Variants in PDE4D observed in about 807,000 individuals in gnomAD.
PDE4D encodes 3',5'-cyclic-AMP phosphodiesterase 4D.
A neutral mutation model predicts 87.4 loss-of-function variants in PDE4D; 24 were observed. That is an observed-to-expected ratio of 0.27 (90% CI 0.20 to 0.39). The LOEUF is 0.39. Among genes scored for constraint, PDE4D ranks in the 10% least tolerant of loss-of-function variants. PDE4D has a pLI of 1.00. For missense variants in PDE4D, 714 were observed against 1,041.0 expected, an observed-to-expected ratio of 0.69 and a Z score of 4.32; for synonymous variants, 384 against 383.2, an observed-to-expected ratio of 1.00 and a Z score of -0.02.
At chr5:60,288,153 C>G (rs1425318627) in intron 1 of PDE4D, among the ~76,000 whole-genome samples, 1 of 152,244 alleles carries the variant, frequency 6.6e-6, no homozygotes, top group Non-Finnish European at 1.5e-5. Flanking sequence ...TATCCCGAGA[C>G]TAACTACTCC....
intron 3 of PDE4D, among the ~76,000 whole-genome samples, chr5:59,954,113 C>CG (rs34361221): frequency 0.85 from 128,923 of 152,032 alleles, 54,732 homozygotes; most frequent in East Asian, 0.97. Flanking sequence ...TTAGGAGAGA[C>CG]GGGTTTCACC....
At chr5:59,487,377 T>C (rs978999121) in intron 1 of PDE4D, among the ~76,000 whole-genome samples, 4 of 152,124 alleles carry the variant, frequency 2.6e-5, no homozygotes, top group Admixed American at 6.5e-5. Context: ...CATTTGAGGT[T>C]TTTTTCGTGT....
At chr5:59,320,285 T>C (rs1162782697) in intron 1 of PDE4D, among the ~76,000 whole-genome samples, 1 of 152,084 alleles carries the variant, frequency 6.6e-6, no homozygotes, top group Non-Finnish European at 1.5e-5. Context: ...GTAAAACACT[T>C]AGAATCGTGC....
intron 1 of PDE4D, among the ~76,000 whole-genome samples, chr5:60,372,142 CT>C (rs145430727): frequency 0.1 from 14,499 of 139,120 alleles, 794 homozygotes; most frequent in African/African-American, 0.15. Context: ...CATTGTCAGT[CT>C]TTTTTATTTT....
At chr5:60,334,003 G>A (rs1021722787) in intron 1 of PDE4D, among the ~76,000 whole-genome samples, 1 of 152,198 alleles carries the variant, frequency 6.6e-6, no homozygotes, top group Non-Finnish European at 1.5e-5. Context: ...CCTAGCCACA[G>A]TGCCCAATCA....
intron 1 of PDE4D, among the ~76,000 whole-genome samples, chr5:59,368,306 G>A (rs1454642957): frequency 3.3e-5 from 5 of 151,988 alleles, no homozygotes; most frequent in African/African-American, 4.8e-5. Context: ...TTCTCCATTC[G>A]GTAAATGAAA....
chr5:59,388,472 C>T (rs927269208), intron 1 of PDE4D, among the ~76,000 whole-genome samples: 1 of 152,074 alleles, frequency 6.6e-6, no homozygotes, highest in African/African-American at 2.4e-5. Flanking sequence ...TATTATCCAG[C>T]AGTTTCACTA....
At position 60,419,868 on chromosome 5, in the gene PDE4D, G is replaced by A. The variant is rs77432648; in HGVS notation, c.-90+68074C>T. On this transcript the variant is annotated intron_variant, in intron 1 of 16. Coordinates refer to the PDE4D transcript ENST00000502484. ...ACGAATGTCCACCTCTGTGAATAAG[G>A]ATATTTTCCTAAACATGACAAAAAG... is the stretch of plus-strand genomic sequence containing the variant. Among the ~76,000 whole-genome samples the A allele has an allele frequency of 8.8e-3, 1,339 of 152,264 alleles. 15 individuals are homozygous for A. The highest frequency in any genetic ancestry group is 0.03 in the African/African-American group (1,260 of 41,550).
At chr5:60,362,696 T>TA in intron 1 of PDE4D, among the ~76,000 whole-genome samples, 1 of 152,126 alleles carries the variant, frequency 6.6e-6, no homozygotes, top group East Asian at 1.9e-4. Context: ...CCATCTCTAC[T>TA]AAAAATACAA....
rs556385689 is a variant in PDE4D, at chr5:60,375,279, G to A, written c.-90+112663C>T. The stretch of plus-strand genomic sequence containing the variant: ...TCTCTTTCTCCCCAGCTACAGCCCT[G>A]TGCTTCTGCATAGCTGGCTCTCAAA... On this transcript the variant is annotated intron_variant, in intron 1 of 16. Coordinates refer to the PDE4D transcript ENST00000502484. 1.7e-3 allele frequency among the ~76,000 whole-genome samples: 261 copies of A among 152,260 alleles called. 1 individual carries two copies. Among genetic ancestry groups the A allele is most frequent in the African/African-American group, 6.1e-3 (253 of 41,552 alleles).
At chr5:59,180,235 A>G (rs1300543944) in intron 5 of PDE4D, 1 of 385,706 alleles carries the variant, frequency 2.6e-6, no homozygotes, top group Non-Finnish European at 5.0e-6. Flanking sequence ...TTATTAAACT[A>G]AATGATGACA....
chr5:59,020,621 G>A (rs1314315937), intron 6 of PDE4D, among the ~76,000 whole-genome samples: 1 of 151,908 alleles, frequency 6.6e-6, no homozygotes, highest in Non-Finnish European at 1.5e-5. Context: ...AATGAAGAAG[G>A]TAAACCAGTT....
chr5:60,193,669 C>CAAAAAAAAAAAAAAAAAAAAAAAA (rs35340734), intron 1 of PDE4D, among the ~76,000 whole-genome samples: 3 of 46,862 alleles, frequency 6.4e-5, no homozygotes, highest in African/African-American at 1.6e-4. Flanking sequence ...GACTCCGTCT[C>CAAAAAAAAAAAAAAAAAAAAAAAA]AAAAAAAAAA....
intron 1 of PDE4D, among the ~76,000 whole-genome samples, chr5:59,374,289 C>T (rs1784375707): frequency 6.6e-6 from 1 of 152,078 alleles, no homozygotes; most frequent in Admixed American, 6.5e-5. Context: ...ACCCATCTCA[C>T]ATGCAATGAT....
At chr5:60,373,496 T>G (rs1015415937) in intron 1 of PDE4D, among the ~76,000 whole-genome samples, 27 of 152,190 alleles carry the variant, frequency 1.8e-4, no homozygotes, top group African/African-American at 6.0e-4. Context: ...GCCTGAGAGT[T>G]GCAAACCACT....
At chr5:59,782,278 T>C (rs1052214995) in intron 1 of PDE4D, among the ~76,000 whole-genome samples, 1 of 152,218 alleles carries the variant, frequency 6.6e-6, no homozygotes, top group Non-Finnish European at 1.5e-5. Context: ...AGAAGTTCTT[T>C]ATAGTTTCTA....
intron 1 of PDE4D, among the ~76,000 whole-genome samples, chr5:60,418,582 TTTTTTA>T (rs1359239825): frequency 6.6e-6 from 1 of 152,110 alleles, no homozygotes; most frequent in Non-Finnish European, 1.5e-5. Flanking sequence ...TACTTTAAAT[TTTTTTA>T]TTTTTAATTG....
intron 6 of PDE4D, among the ~76,000 whole-genome samples, chr5:59,025,918 G>A (rs1393047046): frequency 1.3e-5 from 2 of 152,190 alleles, no homozygotes; most frequent in African/African-American, 4.8e-5. Context: ...ACAGTGCACT[G>A]CTTGTCAGTA....
At chr5:59,493,678 C>T (rs573375639) in intron 1 of PDE4D, among the ~76,000 whole-genome samples, 1 of 152,254 alleles carries the variant, frequency 6.6e-6, no homozygotes, top group South Asian at 2.1e-4. Flanking sequence ...GATTTAAATA[C>T]ATAATTACAA....
Sources: gnomAD v4.1 joint callset for allele counts (sites outside exome capture counted in the v4.1 genomes callset) on GRCh38, gnomAD v4.1.1 for gene constraint, MANE v1.5 for transcripts, NCBI Gene and HGNC (gene_info 2026-07-23, HGNC 2026-07-21) for gene names.